Variants in GPHN observed in about 807,000 individuals in gnomAD.
GPHN encodes the protein gephyrin.
In GPHN, 17 loss-of-function variants were observed where a neutral mutation model predicts 95.5. The ratio of observed to expected loss-of-function variants is 0.18; its 90% CI spans 0.12 to 0.27. The LOEUF (loss-of-function observed/expected upper bound fraction) is 0.27, where lower values mean the gene tolerates loss of function less well. Among genes scored for constraint, GPHN ranks in the 10% least tolerant of loss-of-function variants. GPHN has a pLI of 1.00. For synonymous variants in GPHN, 320 were observed against 322.5 expected, an observed-to-expected ratio of 0.99 and a Z score of 0.08; for missense variants, 660 against 978.1, an observed-to-expected ratio of 0.67 and a Z score of 4.34.
the GPHN span, chr14:67,569,151 A>G: frequency 6.2e-7 from 1 of 1,612,068 alleles, no homozygotes; most frequent in Non-Finnish European, 8.5e-7. Flanking sequence ...AGCCGGATCT[A>G]TGCTGTGGCC....
chr14:67,682,148 TTC>T, the GPHN span, among the ~76,000 whole-genome samples: 2 of 152,236 alleles, frequency 1.3e-5, no homozygotes, highest in Non-Finnish European at 2.9e-5. Flanking sequence ...GTCTGTGGTA[TTC>T]TGTTTAGTAA....
chr14:67,526,970 A>T, the GPHN span, among the ~76,000 whole-genome samples: 173 of 152,186 alleles, frequency 1.1e-3, no homozygotes, highest in Admixed American at 1.8e-3. Flanking sequence ...GAGATAATAG[A>T]CCTATTGGTT....
the GPHN span, among the ~76,000 whole-genome samples, chr14:67,453,890 C>T: frequency 6.6e-6 from 1 of 152,224 alleles, no homozygotes; most frequent in Non-Finnish European, 1.5e-5. Flanking sequence ...TGAACTTTGG[C>T]AACCTCTTGG....
chr14:66,894,315 T>A (rs555623220), intron 5 of GPHN, among the ~76,000 whole-genome samples: 112 of 152,158 alleles, frequency 7.4e-4, no homozygotes, highest in African/African-American at 2.5e-3. Flanking sequence ...CCATATGTAG[T>A]AAGCTGAAAC....
intron 3 of GPHN, among the ~76,000 whole-genome samples, chr14:66,779,214 T>G (rs2059515361): frequency 6.6e-6 from 1 of 152,172 alleles, no homozygotes; most frequent in African/African-American, 2.4e-5. Context: ...CAAAAAAAAT[T>G]TCAAGAAATT....
chr14:67,553,134 T>A, the GPHN span, among the ~76,000 whole-genome samples: 1 of 151,410 alleles, frequency 6.6e-6, no homozygotes, highest in African/African-American at 2.4e-5. Context: ...TTCCATCAGA[T>A]GAAGTCAGAA....
chr14:67,128,394 C>T (rs1024115731), intron 17 of GPHN, among the ~76,000 whole-genome samples: 26 of 151,788 alleles, frequency 1.7e-4, no homozygotes, highest in African/African-American at 5.6e-4. Flanking sequence ...GTAGCTGAGA[C>T]GACAGACACC....
At chr14:66,759,394 C>T (rs1445008222) in intron 2 of GPHN, among the ~76,000 whole-genome samples, 1 of 152,232 alleles carries the variant, frequency 6.6e-6, no homozygotes, top group Admixed American at 6.5e-5. Context: ...TAACCTTCTA[C>T]TCAAAGCCTT....
the GPHN span, among the ~76,000 whole-genome samples, chr14:67,719,568 G>A: frequency 6.6e-6 from 1 of 151,974 alleles, no homozygotes; most frequent in Admixed American, 6.6e-5. Context: ...TCAACCTCCT[G>A]GGCTCAAGTG....
chr14:67,662,890 A>C, the GPHN span: 1 of 1,217,720 alleles, frequency 8.2e-7, no homozygotes, highest in Non-Finnish European at 1.0e-6. Context: ...GCAATAGAGC[A>C]AGACTCTGTC....
the GPHN span, among the ~76,000 whole-genome samples, chr14:67,245,282 G>A: frequency 1.3e-5 from 2 of 152,304 alleles, no homozygotes; most frequent in Admixed American, 1.3e-4. Flanking sequence ...CAATATATGA[G>A]AGGTCAGTTG....
In GPHN at chr14:66,730,351, A is replaced by C. The variant is rs1019077865; in HGVS notation, c.144-46113A>C. Reference sequence around the variant, plus strand: ...ATTTGTTTCCTGTCTCTCTGGAATCACTATCTTTACTCTTGAGTTTAATCG... The same window carrying C: ...ATTTGTTTCCTGTCTCTCTGGAATCCCTATCTTTACTCTTGAGTTTAATCG... On this transcript the variant is annotated intron_variant, in intron 2 of 22. Transcript: ENST00000478722. Among the ~76,000 whole-genome samples the C allele has an allele frequency of 3.9e-5, 6 of 152,170 alleles. 1 individual carries two copies. Among genetic ancestry groups the C allele is most frequent in the African/African-American group, 1.4e-4 (6 of 41,440 alleles).
chr14:67,179,109 G>T (rs2083182693), intron 21 of GPHN, among the ~76,000 whole-genome samples: 1 of 152,298 alleles, frequency 6.6e-6, no homozygotes, highest in Admixed American at 6.5e-5. Flanking sequence ...AGGTGGCCAG[G>T]CATGGTGGCT....
chr14:67,274,850 T>C, the GPHN span, among the ~76,000 whole-genome samples: 2 of 152,180 alleles, frequency 1.3e-5, no homozygotes, highest in Admixed American at 6.5e-5. Context: ...CCCTTGTAAG[T>C]TGGATTCCTA....
intron 3 of GPHN, among the ~76,000 whole-genome samples, chr14:66,781,787 T>C (rs2059617375): frequency 6.6e-6 from 1 of 152,212 alleles, no homozygotes; most frequent in African/African-American, 2.4e-5. Flanking sequence ...GTTGAATATT[T>C]AGCTTGTTTC....
intron 21 of GPHN, among the ~76,000 whole-genome samples, chr14:67,171,980 T>C (rs2140097422): frequency 6.6e-6 from 1 of 152,300 alleles, no homozygotes; most frequent in East Asian, 1.9e-4. Context: ...CTGAAGGAAC[T>C]GCCTGGAGTC....
At chr14:67,705,151 G>A in the GPHN span, among the ~76,000 whole-genome samples, 810 of 152,314 alleles carry the variant, frequency 5.3e-3, 6 homozygotes, top group African/African-American at 0.013. Context: ...AAAGTCTGTC[G>A]TTAGAAGTTG....
chr14:67,586,005 G>T, the GPHN span: 7 of 1,613,850 alleles, frequency 4.3e-6, no homozygotes, highest in East Asian at 8.9e-5. Context: ...TGGCTGCAGG[G>T]ATGACTTCAT....
chr14:67,197,704 T>C, the GPHN span, among the ~76,000 whole-genome samples: 3 of 152,098 alleles, frequency 2.0e-5, no homozygotes, highest in African/African-American at 4.8e-5. Context: ...CAAAAAGGGA[T>C]TGGAGAATCC....
Sources: allele counts gnomAD v4.1 joint callset (sites outside exome capture counted in the v4.1 genomes callset), GRCh38; gene constraint gnomAD v4.1.1; transcripts MANE v1.5; gene names NCBI Gene and HGNC (gene_info 2026-07-23, HGNC 2026-07-21).